The following LINGO2 variants were observed in gnomAD, a reference collection of about 807,000 sequenced individuals.
LINGO2 encodes the protein leucine rich repeat and Ig domain containing 2.
A neutral mutation model predicts 30.6 loss-of-function variants in LINGO2; 14 were observed. The ratio of observed to expected loss-of-function variants is 0.46; its 90% CI spans 0.30 to 0.72. The LOEUF (loss-of-function observed/expected upper bound fraction) is 0.72. Among genes scored for constraint, LINGO2 ranks in the 30% least tolerant of loss-of-function variants. The pLI is 0.07. For missense variants in LINGO2, 729 were observed against 751.7 expected (o/e 0.97, Z 0.35); for synonymous variants, 317 against 288.5 (o/e 1.10, Z -1.00).
the LINGO2 span, among the ~76,000 whole-genome samples, chr9:28,835,195 C>T: frequency 6.6e-6 from 1 of 152,194 alleles, no homozygotes; most frequent in Admixed American, 6.5e-5. Flanking sequence ...CACAGAGAAC[C>T]AGATTTAGGA....
At chr9:28,633,162 C>G (rs1827082677) in intron 1 of LINGO2, among the ~76,000 whole-genome samples, 1 of 151,828 alleles carries the variant, frequency 6.6e-6, no homozygotes, top group Admixed American at 6.6e-5. Flanking sequence ...AGATTGTGCC[C>G]ACCAGATTAA....
chr9:28,739,595 C>G, the LINGO2 span, among the ~76,000 whole-genome samples: 4 of 151,768 alleles, frequency 2.6e-5, no homozygotes, highest in Non-Finnish European at 5.9e-5. Context: ...TATGAGGACC[C>G]TACTATAGAG....
chr9:28,100,894 C>T (rs987421600), intron 4 of LINGO2, among the ~76,000 whole-genome samples: 1 of 152,080 alleles, frequency 6.6e-6, no homozygotes, highest in Non-Finnish European at 1.5e-5. Flanking sequence ...CTCTTATTCG[C>T]CACCCACGAA....
the LINGO2 span, among the ~76,000 whole-genome samples, chr9:29,133,148 A>G: frequency 6.7e-4 from 102 of 152,190 alleles, no homozygotes; most frequent in Non-Finnish European, 1.3e-3. Context: ...CAAAACACTG[A>G]TAAGTACTCA....
chr9:28,415,630 T>A lies in LINGO2; in HGVS notation c.-278-42762A>T, dbSNP rs1410699210. ...ATTTGTTTATCCATGAGGACCCAGTTTAAATATAATCTCAAATACACTCAC... is the reference window on the plus strand; with the variant it reads ...ATTTGTTTATCCATGAGGACCCAGTATAAATATAATCTCAAATACACTCAC... On this transcript the variant is annotated intron_variant, in intron 2 of 5. Transcript: ENST00000379992. Among the ~76,000 whole-genome samples, 3 of 152,158 alleles carry A rather than the reference T, an allele frequency of 2.0e-5. 1 individual carries two copies. In the South Asian group the frequency reaches 6.2e-4, roughly 32 times the overall value.
chr9:28,462,897 C>G (rs1303994322), intron 2 of LINGO2, among the ~76,000 whole-genome samples: 12 of 152,010 alleles, frequency 7.9e-5, no homozygotes. Context: ...GATTTCTAAG[C>G]CAACTTGGTG....
At chr9:28,641,739 G>C (rs1340324094) in intron 1 of LINGO2, among the ~76,000 whole-genome samples, 1 of 152,166 alleles carries the variant, frequency 6.6e-6, no homozygotes, top group Non-Finnish European at 1.5e-5. Context: ...CAAAATCAGG[G>C]TTATGGGCAA....
At chr9:27,977,205 A>G (rs1820641556) in intron 5 of LINGO2, among the ~76,000 whole-genome samples, 1 of 151,894 alleles carries the variant, frequency 6.6e-6, no homozygotes. Flanking sequence ...ACAAAAGAGA[A>G]AAGATATTCA....
chr9:28,362,650 A>T lies in LINGO2; in HGVS notation c.-246+10186T>A, dbSNP rs554176660. Among the ~76,000 whole-genome samples the T allele has an allele frequency of 2.5e-4, 38 of 152,100 alleles. 1 individual carries two copies. In the South Asian group the frequency reaches 7.9e-3, roughly 32 times the overall value. ...CGCATTTGGCTAATTTTGTATTTTT[A>T]GTAGAGACGGGGTTTCTCCACGTTG... On this transcript the variant is annotated intron_variant, in intron 3 of 5. Coordinates refer to ENST00000379992, the Ensembl canonical transcript of LINGO2.
chr9:29,018,702 T>A, the LINGO2 span, among the ~76,000 whole-genome samples: 2 of 152,154 alleles, frequency 1.3e-5, no homozygotes, highest in Non-Finnish European at 2.9e-5. Context: ...TCCGAAGTTC[T>A]CACTCTTAAC....
At chr9:28,178,897 G>A (rs1348987037) in intron 4 of LINGO2, among the ~76,000 whole-genome samples, 2 of 152,040 alleles carry the variant, frequency 1.3e-5, no homozygotes, top group East Asian at 3.9e-4. Flanking sequence ...AGTGGGAAAC[G>A]ATACGCACTC....
At chr9:28,649,181 GA>G in intron 1 of LINGO2, among the ~76,000 whole-genome samples, 1 of 152,046 alleles carries the variant, frequency 6.6e-6, no homozygotes, top group East Asian at 1.9e-4. Context: ...TTAAAGACCA[GA>G]AAATGGAATT....
chr9:28,558,566 GAAGTCTAACTGTTCA>G (rs1415067857), intron 1 of LINGO2, among the ~76,000 whole-genome samples: 8 of 152,028 alleles, frequency 5.3e-5, no homozygotes, highest in Admixed American at 3.9e-4. Context: ...AAGCAACACA[GAAGTCTAACTGTTCA>G]AGAGACTCCA....
At chr9:28,256,194 T>C (rs1021340814) in intron 4 of LINGO2, among the ~76,000 whole-genome samples, 1 of 152,032 alleles carries the variant, frequency 6.6e-6, no homozygotes, top group Non-Finnish European at 1.5e-5. Flanking sequence ...ACCCCTTGCT[T>C]CATTTTTCTA....
the LINGO2 span, among the ~76,000 whole-genome samples, chr9:28,730,884 A>G: frequency 6.6e-6 from 1 of 152,122 alleles, no homozygotes. Context: ...TTGCTCACAC[A>G]TTGCTGTTGG....
At chr9:28,361,616 G>C (rs1820447904) in intron 3 of LINGO2, among the ~76,000 whole-genome samples, 1 of 151,868 alleles carries the variant, frequency 6.6e-6, no homozygotes, top group African/African-American at 2.4e-5. Flanking sequence ...ATCTGGAGCA[G>C]TCAGAAGTCA....
In LINGO2 at chr9:27,981,547, AAAAG is replaced by A. The variant is rs1300774691; in HGVS notation, c.-36+30804_-36+30807del. Among the ~76,000 whole-genome samples, 23 of 121,796 alleles carry A rather than the reference AAAAG, an allele frequency of 1.9e-4. 2 individuals are homozygous for A. The highest frequency in any genetic ancestry group is 1.1e-3 in the East Asian group (3 of 2,808). The allele number at this position is 121,796 out of a possible 152,430, so 79.9% of individuals were successfully genotyped here. On this transcript the variant is annotated intron_variant, in intron 5 of 5. Coordinates refer to ENST00000379992, the Ensembl canonical transcript of LINGO2. ...TGACGAGGATGGCAAAAAAAAAAAA[AAAAG>A]AAAAAAAAGAAAAAAAAAGAAAAAA...
At chr9:28,819,713 T>A in the LINGO2 span, among the ~76,000 whole-genome samples, 1 of 152,248 alleles carries the variant, frequency 6.6e-6, no homozygotes, top group Admixed American at 6.5e-5. Context: ...GCCAAGCAGG[T>A]CCTGTGGCAG....
the LINGO2 span, among the ~76,000 whole-genome samples, chr9:28,688,252 G>C: frequency 7.4e-3 from 1,123 of 152,204 alleles, 12 homozygotes; most frequent in African/African-American, 0.026. Flanking sequence ...CAGTTCATTA[G>C]TCCCTTAAAT....
Sources: gnomAD v4.1 joint callset for allele counts (sites outside exome capture counted in the v4.1 genomes callset) on GRCh38, gnomAD v4.1.1 for gene constraint, MANE v1.5 for transcripts, NCBI Gene and HGNC (gene_info 2026-07-23, HGNC 2026-07-21) for gene names.